Variants in MACROD2 observed in about 807,000 individuals in gnomAD.
MACROD2 encodes mono-ADP ribosylhydrolase 2.
MACROD2 carries 36 observed loss-of-function variants against 70.4 expected under a neutral mutation model. The observed-to-expected ratio is 0.51, with a 90% CI of 0.39 to 0.68. MACROD2 has a LOEUF of 0.68. MACROD2 is among the 30% of genes least tolerant of loss of function. MACROD2 has a pLI of 0.00. For synonymous variants in MACROD2, 172 were observed against 178.8 expected (o/e 0.96, Z 0.30); for missense variants, 496 against 538.4 (o/e 0.92, Z 0.78).
chr20:15,715,812 TTTG>T (rs2146925554), intron 8 of MACROD2, among the ~76,000 whole-genome samples: 1 of 152,246 alleles, frequency 6.6e-6, no homozygotes, highest in Admixed American at 6.5e-5. Context: ...GTTTGATGTT[TTTG>T]TTATTGGTCA....
chr20:14,916,944 A>T (rs928120), intron 5 of MACROD2, among the ~76,000 whole-genome samples: 135,123 of 151,852 alleles, frequency 0.89, 60,176 homozygotes, highest in East Asian at 1. Flanking sequence ...AAGAGAGATA[A>T]TGGGGGAAAA....
At chr20:15,032,269 C>T (rs1394043143) in intron 5 of MACROD2, among the ~76,000 whole-genome samples, 1 of 152,204 alleles carries the variant, frequency 6.6e-6, no homozygotes, top group Non-Finnish European at 1.5e-5. Context: ...CACCTGGGAA[C>T]TCAGGGCTCC....
chr20:14,898,632 G>A (rs2122541131), intron 5 of MACROD2, among the ~76,000 whole-genome samples: 1 of 152,188 alleles, frequency 6.6e-6, no homozygotes, highest in East Asian at 1.9e-4. Context: ...CTATAGTCTG[G>A]GTAGGGCATT....
chr20:15,293,844 G>T (rs1179546915), intron 6 of MACROD2, among the ~76,000 whole-genome samples: 1 of 152,150 alleles, frequency 6.6e-6, no homozygotes, highest in East Asian at 1.9e-4. Flanking sequence ...TTGGCCAGGC[G>T]CAGTGGCTCA....
chr20:15,785,199 G>T (rs1264495136), intron 8 of MACROD2, among the ~76,000 whole-genome samples: 1 of 150,728 alleles, frequency 6.6e-6, no homozygotes, highest in Non-Finnish European at 1.5e-5. Context: ...GTAAAGGGAA[G>T]TTTTGTAGTG....
chr20:15,221,223 A>G (rs904404986), intron 5 of MACROD2, among the ~76,000 whole-genome samples: 4 of 152,174 alleles, frequency 2.6e-5, no homozygotes, highest in African/African-American at 9.7e-5. Context: ...ACATCTCTTG[A>G]ACCAGAACAA....
At chr20:15,297,458 T>G (rs922501006) in intron 6 of MACROD2, among the ~76,000 whole-genome samples, 1 of 152,188 alleles carries the variant, frequency 6.6e-6, no homozygotes, top group Non-Finnish European at 1.5e-5. Flanking sequence ...GAGAATTTAC[T>G]AGCAAAGAGG....
chr20:14,380,744 C>G (rs1568586178), intron 3 of MACROD2, among the ~76,000 whole-genome samples: 1 of 152,102 alleles, frequency 6.6e-6, no homozygotes, highest in Non-Finnish European at 1.5e-5. Flanking sequence ...TCCAGACTCT[C>G]AATCTGTTTC....
At chr20:15,622,316 T>C (rs1240892301) in intron 8 of MACROD2, among the ~76,000 whole-genome samples, 1 of 152,252 alleles carries the variant, frequency 6.6e-6, no homozygotes, top group Non-Finnish European at 1.5e-5. Context: ...ATTTGTGAAC[T>C]TTTTCCATAA....
At chr20:15,529,531 G>A (rs1383396157) in intron 8 of MACROD2, among the ~76,000 whole-genome samples, 1 of 152,020 alleles carries the variant, frequency 6.6e-6, no homozygotes, top group Non-Finnish European at 1.5e-5. Flanking sequence ...ATAACCAAGT[G>A]GAGGATAGAG....
chr20:15,529,762 C>G (rs960215494), intron 8 of MACROD2, among the ~76,000 whole-genome samples: 1 of 152,130 alleles, frequency 6.6e-6, no homozygotes. Flanking sequence ...TGATATCCGC[C>G]CCCCCCACCT....
At chr20:15,922,651 T>A (rs2147293530) in intron 10 of MACROD2, among the ~76,000 whole-genome samples, 1 of 152,190 alleles carries the variant, frequency 6.6e-6, no homozygotes, top group East Asian at 1.9e-4. Flanking sequence ...TGAGCAAATT[T>A]CACTGACTGC....
chr20:14,606,375 C>G (rs994562218), intron 4 of MACROD2, among the ~76,000 whole-genome samples: 4 of 152,012 alleles, frequency 2.6e-5, no homozygotes, highest in Non-Finnish European at 5.9e-5. Flanking sequence ...GGAATATTGT[C>G]TAAGAAATAT....
At chr20:14,731,448 T>C (rs1034355054) in intron 5 of MACROD2, among the ~76,000 whole-genome samples, 4 of 152,170 alleles carry the variant, frequency 2.6e-5, no homozygotes, top group African/African-American at 4.8e-5. Context: ...TGACACTCAA[T>C]CTCTGCCTAA....
chr20:15,647,030 G>T (rs969329250), intron 8 of MACROD2, among the ~76,000 whole-genome samples: 1 of 152,152 alleles, frequency 6.6e-6, no homozygotes, highest in Non-Finnish European at 1.5e-5. Flanking sequence ...CTGTGGTATC[G>T]TTTACTTAAT....
At chr20:15,532,334 C>A (rs1412195114) in intron 8 of MACROD2, among the ~76,000 whole-genome samples, 1 of 152,046 alleles carries the variant, frequency 6.6e-6, no homozygotes, top group East Asian at 1.9e-4. Flanking sequence ...AATCTCTCAA[C>A]CCTAGCAGAA....
At position 15,967,629 on chromosome 20, in the gene MACROD2, T is replaced by C. The variant is rs766446132; in HGVS notation, c.984T>C (p.Asp328=). 6.3e-7 allele frequency: 1 copy of C among 1,584,098 alleles called. No individual in the cohort carries two copies. The highest frequency in any genetic ancestry group is 8.6e-7 in the Non-Finnish European group (1 of 1,166,480). ...DHSVRDQDHP[D]GQENDSTKNE... The stretch of plus-strand genomic sequence containing the variant: ...CTGTGCGTGACCAAGATCATCCCGA[T>C]GGTAGGTTGTGAAATCCTTTATTAG... The change falls in exon 13 of 18, where the codon GAT becomes GAC. Residue 328 remains aspartate, a splice_region_variant and synonymous_variant. Coordinates refer to ENST00000684519, the MANE Select transcript of MACROD2 (RefSeq NM_001351661.2).
intron 8 of MACROD2, among the ~76,000 whole-genome samples, chr20:15,771,873 G>A (rs1471696910): frequency 5.8e-5 from 8 of 139,092 alleles, no homozygotes; most frequent in Admixed American, 1.5e-4. Context: ...TCAAAAGGTC[G>A]GGAGATCAAG....
At chr20:14,129,535 G>A (rs1160623437) in intron 3 of MACROD2, among the ~76,000 whole-genome samples, 1 of 152,192 alleles carries the variant, frequency 6.6e-6, no homozygotes, top group Non-Finnish European at 1.5e-5. Context: ...CATAAACTTA[G>A]TTGATAAAGC....
Sources: gnomAD v4.1 joint callset for allele counts (sites outside exome capture counted in the v4.1 genomes callset) on GRCh38, gnomAD v4.1.1 for gene constraint, MANE v1.5 for transcripts, NCBI Gene and HGNC (gene_info 2026-07-23, HGNC 2026-07-21) for gene names.